DYM: variants seen among roughly 807,000 people sequenced by gnomAD.
DYM encodes dyggve-Melchior-Clausen syndrome protein.
Under a neutral mutation model 93.1 loss-of-function variants are expected in DYM, and 78 were observed. The ratio of observed to expected loss-of-function variants is 0.84; its 90% confidence interval spans 0.70 to 1.01. The LOEUF (loss-of-function observed/expected upper bound fraction) is 1.01, where lower values mean the gene tolerates loss of function less well. Among genes scored for constraint, DYM ranks in the 50% least tolerant of loss-of-function variants. The pLI is 0.00. For synonymous variants in DYM, 321 were observed against 319.7 expected (o/e 1.00, Z -0.04); for missense variants, 789 against 845.0 (o/e 0.93, Z 0.82).
chr18:49,149,898 G>A (rs1284895381), intron 15 of DYM, among the ~76,000 whole-genome samples: 1 of 151,752 alleles, frequency 6.6e-6, no homozygotes, highest in African/African-American at 2.4e-5. Context: ...TAGTAGAGAC[G>A]GGGTTTCACC....
intron 1 of DYM, among the ~76,000 whole-genome samples, chr18:49,440,010 C>A (rs899025562): frequency 3.0e-5 from 4 of 132,136 alleles, no homozygotes; most frequent in African/African-American, 8.2e-5. Flanking sequence ...ACTCTGTCAC[C>A]AATAAATAAA....
At chr18:49,173,234 T>G (rs988329482) in intron 14 of DYM, among the ~76,000 whole-genome samples, 1 of 152,150 alleles carries the variant, frequency 6.6e-6, no homozygotes, top group Non-Finnish European at 1.5e-5. Context: ...TAGTAAATCT[T>G]GAAATCAGGT....
chr18:49,330,543 C>T (rs969908248), intron 8 of DYM, among the ~76,000 whole-genome samples: 4 of 152,020 alleles, frequency 2.6e-5, no homozygotes, highest in Non-Finnish European at 5.9e-5. Context: ...ACCCAAAAAC[C>T]ATACACAAAT....
intron 13 of DYM, among the ~76,000 whole-genome samples, chr18:49,244,542 G>A: frequency 6.6e-6 from 1 of 152,214 alleles, no homozygotes; most frequent in East Asian, 1.9e-4. Flanking sequence ...GAGCACAGGT[G>A]TAGGTTTAAA....
At chr18:49,445,993 G>C (rs929602808) in intron 1 of DYM, among the ~76,000 whole-genome samples, 1 of 152,044 alleles carries the variant, frequency 6.6e-6, no homozygotes, top group African/African-American at 2.4e-5. Context: ...TTTAGAAATA[G>C]GGGAAGGAAA....
intron 16 of DYM, among the ~76,000 whole-genome samples, chr18:49,109,703 C>T (rs1333958543): frequency 6.6e-6 from 1 of 152,214 alleles, no homozygotes; most frequent in African/African-American, 2.4e-5. Context: ...AACACCTGCA[C>T]ATGCAGTAAA....
chr18:49,337,866 G>C (rs1019766161), intron 6 of DYM, among the ~76,000 whole-genome samples: 27 of 151,994 alleles, frequency 1.8e-4, no homozygotes, highest in African/African-American at 6.3e-4. Context: ...AAGGGGAAGG[G>C]CATTAAAGTG....
intron 8 of DYM, among the ~76,000 whole-genome samples, chr18:49,303,558 C>T (rs1465214804): frequency 6.6e-6 from 1 of 152,154 alleles, no homozygotes; most frequent in Non-Finnish European, 1.5e-5. Flanking sequence ...TGATTAAAAG[C>T]TGGTCAGGTG....
chr18:49,266,805 T>C (rs1478437198), intron 11 of DYM, among the ~76,000 whole-genome samples: 1 of 152,220 alleles, frequency 6.6e-6, no homozygotes, highest in African/African-American at 2.4e-5. Flanking sequence ...TTAAAAATAA[T>C]TACTGTTAAA....
chr18:49,179,863 C>CA (rs901858667), intron 14 of DYM, among the ~76,000 whole-genome samples: 6 of 151,672 alleles, frequency 4.0e-5, no homozygotes, highest in Admixed American at 2.6e-4. Context: ...CCACTTAAGG[C>CA]AAAAAAAGAA....
intron 17 of DYM, among the ~76,000 whole-genome samples, chr18:49,085,484 C>A (rs940529466): frequency 6.6e-6 from 1 of 151,750 alleles, no homozygotes; most frequent in Non-Finnish European, 1.5e-5. Flanking sequence ...GTGATTTTCA[C>A]AATCCAGTAA....
rs2094429726 is a variant in DYM, at chr18:49,258,437, C to G, written c.1308G>C (p.Gly436=). 1.2e-6 allele frequency: 2 copies of G among 1,613,570 alleles called. No homozygotes were observed. The highest frequency in any genetic ancestry group is 1.7e-6 in the Non-Finnish European group (2 of 1,179,566). Residue 436 remains glycine (G), a synonymous_variant, in exon 12 of 18, where the codon GGG becomes GGC. Coordinates refer to ENST00000675505, the MANE Select transcript of DYM (RefSeq NM_001353214.3). ...SERVLTEISL[G]SLLILVVIRT... ...TTATTACCACCAGGATCAGGAGACT[C>G]CCCAAGGAGATTTCAGTTAAAACTC...
intron 17 of DYM, among the ~76,000 whole-genome samples, chr18:49,076,812 C>G (rs771328837): frequency 4.6e-5 from 7 of 152,202 alleles, no homozygotes; most frequent in African/African-American, 7.2e-5. Flanking sequence ...AGCTTTTCTT[C>G]TGTTACAAGA....
intron 2 of DYM, among the ~76,000 whole-genome samples, chr18:49,410,318 C>A (rs2072084826): frequency 6.6e-6 from 1 of 151,978 alleles, no homozygotes; most frequent in Non-Finnish European, 1.5e-5. Flanking sequence ...GCCTTGACCC[C>A]CAAAGTACTG....
At chr18:49,364,525 A>G (rs1031037898) in intron 5 of DYM, among the ~76,000 whole-genome samples, 13 of 152,056 alleles carry the variant, frequency 8.5e-5, no homozygotes, top group Admixed American at 8.5e-4. Flanking sequence ...TGTAGTTCCA[A>G]TTTTACTCCT....
At chr18:49,251,986 G>A (rs1234653424) in intron 13 of DYM, among the ~76,000 whole-genome samples, 1 of 151,786 alleles carries the variant, frequency 6.6e-6, no homozygotes, top group Non-Finnish European at 1.5e-5. Flanking sequence ...GGCTAAGGTG[G>A]GCAGATCACT....
intron 17 of DYM, among the ~76,000 whole-genome samples, chr18:49,077,696 T>A (rs2077425581): frequency 6.6e-6 from 1 of 152,144 alleles, no homozygotes; most frequent in Non-Finnish European, 1.5e-5. Flanking sequence ...CCTCTTGAAT[T>A]GTCCCTGTGA....
At chr18:49,255,556 C>A (rs540804004) in intron 13 of DYM, among the ~76,000 whole-genome samples, 1 of 150,806 alleles carries the variant, frequency 6.6e-6, no homozygotes, top group African/African-American at 2.4e-5. Context: ...GCCTGTAATT[C>A]CAGTTACCCA....
intron 17 of DYM, among the ~76,000 whole-genome samples, chr18:49,065,616 C>T (rs1032070930): frequency 6.6e-6 from 1 of 152,092 alleles, no homozygotes; most frequent in Non-Finnish European, 1.5e-5. Context: ...CCCACCTTGG[C>T]CTCCCAAAAT....
Sources: gnomAD v4.1 joint callset for allele counts (sites outside exome capture counted in the v4.1 genomes callset) on GRCh38, gnomAD v4.1.1 for gene constraint, MANE v1.5 for transcripts, NCBI Gene and HGNC (gene_info 2026-07-23, HGNC 2026-07-21) for gene names.